The following KMT2E variants were observed in gnomAD, a reference collection of about 807,000 sequenced individuals.
The protein encoded by KMT2E is histone reader KMT2E.
In KMT2E, 30 loss-of-function variants were observed where a neutral mutation model predicts 184.6. The ratio of observed to expected loss-of-function variants is 0.16; its 90% CI spans 0.12 to 0.22. KMT2E has a LOEUF of 0.22. Ranked by LOEUF, KMT2E falls within the 10% of genes least tolerant of loss-of-function variation. The pLI is 1.00. For missense variants in KMT2E, 2,023 were observed against 2,237.4 expected (o/e 0.90, Z 1.93); for synonymous variants, 815 against 776.5 (o/e 1.05, Z -0.82).
intron 1 of KMT2E, among the ~76,000 whole-genome samples, chr7:105,021,232 C>G (rs1794938786): frequency 6.6e-6 from 1 of 152,212 alleles, no homozygotes; most frequent in African/African-American, 2.4e-5. Flanking sequence ...AAATAAGTCT[C>G]TGCTTCTTCT....
At position 105,112,083 on chromosome 7, in the gene KMT2E, C is replaced by T. The variant is rs773904819; in HGVS notation, c.4327C>T (p.Pro1443Ser). 7 of 1,614,168 alleles carry T rather than the reference C, an allele frequency of 4.3e-6. No individual in the cohort carries two copies. In the East Asian group the frequency reaches 1.6e-4, roughly 36 times the overall value. The change falls in exon 27 of 27, where the codon CCA becomes TCA. Residue 1443 changes from proline (P) to serine (S), a missense_variant. Coordinates refer to ENST00000311117, the MANE Select transcript of KMT2E (RefSeq NM_182931.3). The stretch of plus-strand genomic sequence containing the variant: ...TGTGCCAACAAAGTTGCACTGTCCT[C>T]CATCACCTCACCTAGAAAATCCTCC... ...PSVPTKLHCP[P>S]SPHLENPPKS...
intron 17 of KMT2E, 45 bp from the exon 18 acceptor site, chr7:105,105,394 T>C: frequency 7.1e-7 from 1 of 1,409,804 alleles, no homozygotes; most frequent in East Asian, 2.3e-5. Context: ...CAAGGGAGAA[T>C]TTGGAATTAC....
intron 15 of KMT2E, among the ~76,000 whole-genome samples, chr7:105,096,249 A>G (rs1427169101): frequency 1.1e-4 from 5 of 45,984 alleles, no homozygotes; most frequent in African/African-American, 7.5e-4. Context: ...GAAAGGCTCA[A>G]AAAAAAAAAA....
rs540511056 is a variant in KMT2E, at chr7:105,076,242, T to A, written c.768+161T>A. ...GACCTTAGTTCTAATTGGAGTAATATACTACTCTTGTAGTTAACACTGTTA... is the reference window on the plus strand; with the variant it reads ...GACCTTAGTTCTAATTGGAGTAATAAACTACTCTTGTAGTTAACACTGTTA... On this transcript the variant is annotated intron_variant, in intron 9 of 26. Coordinates refer to ENST00000311117, the MANE Select transcript of KMT2E (RefSeq NM_182931.3). Among the ~76,000 whole-genome samples, 8 of 152,350 alleles carry A rather than the reference T, an allele frequency of 5.3e-5. No individual in the cohort carries two copies. In the South Asian group the frequency reaches 1.7e-3, roughly 32 times the overall value.
chr7:105,087,019 C>CATATA (rs371978773), intron 13 of KMT2E, among the ~76,000 whole-genome samples: 1 of 144,698 alleles, frequency 6.9e-6, no homozygotes, highest in Admixed American at 7.0e-5. Flanking sequence ...AAATATATAG[C>CATATA]ATATAATATA....
intron 2 of KMT2E, chr7:105,038,610 C>G (rs1795757990): frequency 6.6e-6 from 1 of 152,320 alleles, no homozygotes; most frequent in Admixed American, 6.5e-5. Flanking sequence ...ATCCACCCGC[C>G]TCGGCCTCCC....
chr7:105,111,911 T>C lies in KMT2E; in HGVS notation c.4155T>C (p.Ser1385=). The C allele has an allele frequency of 6.2e-7, 1 of 1,614,134 alleles. No individual in the cohort carries two copies. Among genetic ancestry groups the C allele is most frequent in the Non-Finnish European group, 8.5e-7 (1 of 1,180,022 alleles). Residue 1385 remains serine (S), a synonymous_variant, in exon 27 of 27, where the codon AGT becomes AGC. Coordinates refer to ENST00000311117, the MANE Select transcript of KMT2E (RefSeq NM_182931.3). The stretch of plus-strand genomic sequence containing the variant: ...ATCCCCAATGGGACTCCACAGTTAG[T>C]GCATCCGAAGCTGAAAATGGTGTTC... ...KPDPQWDSTV[S]ASEAENGVHL... is the part of the protein sequence containing the mutation.
chr7:105,103,916 CT>C (rs1212044690), intron 17 of KMT2E: 3 of 148,378 alleles, frequency 2.0e-5, no homozygotes, highest in Non-Finnish European at 3.0e-5. Flanking sequence ...CAAGCTCCGC[CT>C]CCCGGGTTCA....
chr7:105,023,446 A>T (rs1562874565), intron 1 of KMT2E, among the ~76,000 whole-genome samples: 1 of 129,330 alleles, frequency 7.7e-6, no homozygotes, highest in East Asian at 2.4e-4. Context: ...TCATTAAGCA[A>T]TTTTTTTTTT....
chr7:105,024,871 C>T (rs1469451186), intron 1 of KMT2E, among the ~76,000 whole-genome samples: 2 of 152,106 alleles, frequency 1.3e-5, no homozygotes, highest in African/African-American at 4.8e-5. Context: ...AAATGACAGA[C>T]TCTCTGTCTA....
At chr7:105,061,659 C>A (rs1423552973) in intron 3 of KMT2E, among the ~76,000 whole-genome samples, 1 of 151,968 alleles carries the variant, frequency 6.6e-6, no homozygotes, top group Non-Finnish European at 1.5e-5. Flanking sequence ...AGGTATAAAT[C>A]CTGGTTTATT....
intron 1 of KMT2E, among the ~76,000 whole-genome samples, chr7:105,034,872 G>A (rs1177125837): frequency 7.7e-6 from 1 of 130,578 alleles, no homozygotes; most frequent in East Asian, 2.7e-4. Context: ...GGGGGGGTGG[G>A]GGGATGGAGT....
Position 105,112,811 on chromosome 7 carries a change from T to G in KMT2E, c.5055T>G (p.Gly1685=). ...HHLPPPPPPP[G]PAPHHHPPPH... ...TACCCCCACCCCCACCCCCTCCTGGTCCTGCCCCTCATCACCATCCACCAC... is the reference window on the plus strand; with the variant it reads ...TACCCCCACCCCCACCCCCTCCTGGGCCTGCCCCTCATCACCATCCACCAC... Residue 1685 remains glycine (G), a synonymous_variant, in exon 27 of 27, where the codon GGT becomes GGG. Transcript: ENST00000311117. 1.2e-6 allele frequency: 1 copy of G among 862,986 alleles called. No homozygotes were observed. Among genetic ancestry groups the G allele is most frequent in the Non-Finnish European group, 1.6e-6 (1 of 629,010 alleles). 53.5% of individuals were successfully genotyped at this position (862,986 alleles called of 1,614,324 possible).
intron 3 of KMT2E, among the ~76,000 whole-genome samples, chr7:105,055,162 G>A (rs188428256): frequency 6.7e-6 from 1 of 150,230 alleles, no homozygotes; most frequent in Non-Finnish European, 1.5e-5. Flanking sequence ...ACTTGCTTGG[G>A]AGAGAGACAA....
At chr7:105,079,052 T>G in intron 12 of KMT2E, 89 bp downstream of exon 12, 1 of 697,740 alleles carries the variant, frequency 1.4e-6, no homozygotes, top group Non-Finnish European at 2.6e-6. Context: ...GTCACTGACC[T>G]AAGACACTTT....
intron 3 of KMT2E, among the ~76,000 whole-genome samples, chr7:105,042,609 A>G (rs10242713): frequency 0.19 from 28,829 of 152,164 alleles, 3,482 homozygotes; most frequent in East Asian, 0.58. Flanking sequence ...GCTTGGCTCC[A>G]GATTCATGCT....
intron 1 of KMT2E, among the ~76,000 whole-genome samples, chr7:105,035,031 T>TA (rs1795582414): frequency 6.7e-6 from 1 of 149,234 alleles, no homozygotes; most frequent in Non-Finnish European, 1.5e-5. Flanking sequence ...AATTTTTTTT[T>TA]TTTTTTTTTT....
Position 105,112,724 on chromosome 7 carries a change from A to G in KMT2E, c.4968A>G (p.Val1656=). 1.2e-6 allele frequency: 2 copies of G among 1,613,788 alleles called. No homozygotes were observed. Among genetic ancestry groups the G allele is most frequent in the South Asian group, 2.2e-5 (2 of 91,034 alleles). Residue 1656 remains valine, a synonymous_variant, in exon 27 of 27, where the codon GTA becomes GTG. Coordinates refer to ENST00000311117, the MANE Select transcript of KMT2E (RefSeq NM_182931.3). ...SHQQHSVAHV[V]GPVHAVTPGS... is the part of the protein sequence containing the mutation. ...AGCAACACTCTGTAGCACATGTAGT[A>G]GGGCCTGTTCATGCGGTCACCCCTG...
chr7:105,038,398 C>G (rs935583193), intron 2 of KMT2E, 199 bp downstream of exon 2: 19 of 151,414 alleles, frequency 1.3e-4, no homozygotes, highest in African/African-American at 3.9e-4. Flanking sequence ...GAGTCTCGCT[C>G]TGTCACCAGG....
Sources: allele counts gnomAD v4.1 joint callset (sites outside exome capture counted in the v4.1 genomes callset), GRCh38; gene constraint gnomAD v4.1.1; transcripts MANE v1.5; gene names NCBI Gene and HGNC (gene_info 2026-07-23, HGNC 2026-07-21).